Variants in LGI1 observed in about 807,000 individuals in gnomAD.
The protein encoded by LGI1 is leucine rich glioma inactivated 1, also known as leucine-rich glioma-inactivated protein 1.
LGI1 carries 11 observed loss-of-function variants against 57.7 expected under a neutral mutation model. The observed-to-expected ratio is 0.19, with a 90% CI of 0.12 to 0.32. The LOEUF (loss-of-function observed/expected upper bound fraction) is 0.32. Ranked by LOEUF, LGI1 falls within the 10% of genes least tolerant of loss-of-function variation. The pLI is 1.00. For synonymous variants in LGI1, 222 were observed against 241.9 expected (o/e 0.92, Z 0.76); for missense variants, 422 against 661.9 (o/e 0.64, Z 3.98).
At chr10:93,795,593 A>G (rs1313425425) in intron 7 of LGI1, among the ~76,000 whole-genome samples, 2 of 152,268 alleles carry the variant, frequency 1.3e-5, no homozygotes, top group South Asian at 2.1e-4. Flanking sequence ...GCAGATGACA[A>G]ATATATGCCC....
intron 7 of LGI1, among the ~76,000 whole-genome samples, chr10:93,795,947 C>T (rs1037672002): frequency 6.6e-6 from 1 of 152,250 alleles, no homozygotes; most frequent in African/African-American, 2.4e-5. Flanking sequence ...GTAGAACTTT[C>T]TGCCCCGCAC....
At chr10:93,771,285 A>G (rs2059735566) in intron 2 of LGI1, 1 of 152,232 alleles carries the variant, frequency 6.6e-6, no homozygotes, top group South Asian at 2.1e-4. Context: ...AAATATTAAA[A>G]AGAAAATGTT....
chr10:93,794,633 G>A (rs1004060887), intron 7 of LGI1: 2 of 152,092 alleles, frequency 1.3e-5, no homozygotes, highest in African/African-American at 2.4e-5. Flanking sequence ...CCAAAGTTCT[G>A]GGATTACAAG....
Position 93,797,569 on chromosome 10 carries a change from G to T in LGI1, c.1440G>T (p.Gln480His). Residue 480 changes from glutamine to histidine, a missense_variant, in exon 8 of 8, where the codon CAG becomes CAT. This residue lies in a region of LGI1 where 301 missense variants were observed against 461.7 expected (regional missense o/e 0.65). Coordinates refer to ENST00000371418, the MANE Select transcript of LGI1 (RefSeq NM_005097.4). The surrounding 1 kb of genome is among the most constrained non-coding windows in gnomAD (Gnocchi z 6.5). Reference sequence around the variant, plus strand: ...CATCGCGAGGATCCATGGTGTTCCAGCCTCTTCAAATAAATAATTACCAAT... The same window carrying T: ...CATCGCGAGGATCCATGGTGTTCCATCCTCTTCAAATAAATAATTACCAAT... ...RMPSRGSMVF[Q>H]PLQINNYQYA... 4 of 1,614,084 alleles carry T rather than the reference G, an allele frequency of 2.5e-6. No homozygotes were observed. The South Asian group carries it at 4.4e-5, about 18-fold the overall frequency.
At position 93,758,846 on chromosome 10, in the gene LGI1, T is replaced by C. The variant is rs775813063; in HGVS notation, c.287+15T>C. Reference sequence around the variant, plus strand: ...CTGCAGCTCTTGTGAGAAATATTTATATCATGACTATTTTTAATATGGCAT... The same window carrying C: ...CTGCAGCTCTTGTGAGAAATATTTACATCATGACTATTTTTAATATGGCAT... On this transcript the variant is annotated intron_variant, in intron 2 of 7. Coordinates refer to ENST00000371418, the MANE Select transcript of LGI1 (RefSeq NM_005097.4). This position sits in a 1 kb window ranked among gnomAD's most constrained non-coding sequence, Gnocchi z 4.7. 3.8e-6 allele frequency: 6 copies of C among 1,566,004 alleles called. No individual in the cohort carries two copies. The Admixed American group carries it at 5.0e-5, about 13-fold the overall frequency.
At chr10:93,777,144 G>A (rs765776472) in intron 2 of LGI1, 3 of 604,472 alleles carry the variant, frequency 5.0e-6, no homozygotes, top group African/African-American at 3.7e-5. Flanking sequence ...CCCAGGGTAT[G>A]TGGCAGTCAT....
At chr10:93,763,901 G>A (rs1330055585) in intron 2 of LGI1, 2 of 152,168 alleles carry the variant, frequency 1.3e-5, no homozygotes, top group African/African-American at 4.8e-5. Flanking sequence ...TATCCAGCCT[G>A]ACCGGACATC....
chr10:93,774,064 T>C (rs1268304825), intron 2 of LGI1, among the ~76,000 whole-genome samples: 4 of 152,130 alleles, frequency 2.6e-5, no homozygotes, highest in African/African-American at 7.2e-5. Context: ...CACGTAGTTA[T>C]AGGGACAAGA....
At chr10:93,772,846 G>A (rs1049598031) in intron 2 of LGI1, 17 of 151,960 alleles carry the variant, frequency 1.1e-4, no homozygotes, top group African/African-American at 2.9e-4. Flanking sequence ...AGGCCGAGGC[G>A]GTTGGACCAC....
At chr10:93,790,726 T>G (rs1379266563) in intron 5 of LGI1, 1 of 152,366 alleles carries the variant, frequency 6.6e-6, no homozygotes, top group South Asian at 2.1e-4. Context: ...TAATTATTTT[T>G]GACCCTTTTT....
chr10:93,778,047 ATATTTAAT>A (rs1374615492), intron 4 of LGI1, among the ~76,000 whole-genome samples: 1 of 152,210 alleles, frequency 6.6e-6, no homozygotes, highest in Admixed American at 6.5e-5. Context: ...TATCAGTGAA[ATATTTAAT>A]TACTCAATGG....
chr10:93,796,946 T>C (rs1474593658), intron 7 of LGI1, 22 bp from the exon 8 acceptor site: 1 of 1,581,168 alleles, frequency 6.3e-7, no homozygotes. Flanking sequence ...ACACAACTAA[T>C]CTCTCCTTTG....
chr10:93,790,129 C>T lies in LGI1; in HGVS notation c.462C>T (p.Leu154=). 1 of 1,606,990 alleles carries T rather than the reference C, an allele frequency of 6.2e-7. No homozygotes were observed. The highest frequency in any genetic ancestry group is 8.5e-7 in the Non-Finnish European group (1 of 1,179,046). Residue 154 remains leucine, a synonymous_variant, in exon 5 of 8, where the codon CTC becomes CTT. Transcript: ENST00000371418. ...LSLANNNLQT[L]PKDIFKGLDS... ...TTGCAAACAACAATCTCCAGACACT[C>T]CCAAAAGATATTTTCAAAGGCCTGG...
intron 2 of LGI1, among the ~76,000 whole-genome samples, chr10:93,775,179 A>G (rs1564844007): frequency 6.6e-6 from 1 of 152,194 alleles, no homozygotes; most frequent in Non-Finnish European, 1.5e-5. Flanking sequence ...ACCCAGGTCA[A>G]GAAACTCAAT....
chr10:93,765,423 A>G (rs2059663532), intron 2 of LGI1: 1 of 152,200 alleles, frequency 6.6e-6, no homozygotes, highest in Non-Finnish European at 1.5e-5. Context: ...GTCTTACCTA[A>G]AAATCCTCTG....
chr10:93,758,849 C>A lies in LGI1; in HGVS notation c.287+18C>A, dbSNP rs761232199. ...CAGCTCTTGTGAGAAATATTTATAT[C>A]ATGACTATTTTTAATATGGCATATA... On this transcript the variant is annotated intron_variant, in intron 2 of 7. Transcript: ENST00000371418. This position sits in a 1 kb window ranked among gnomAD's most constrained non-coding sequence, Gnocchi z 4.7. 3.2e-6 allele frequency: 5 copies of A among 1,557,982 alleles called. No homozygotes were observed. The South Asian group carries it at 4.5e-5, about 14-fold the overall frequency.
At chr10:93,773,725 G>A (rs2059763541) in intron 2 of LGI1, among the ~76,000 whole-genome samples, 2 of 152,166 alleles carry the variant, frequency 1.3e-5, no homozygotes, top group Admixed American at 6.5e-5. Flanking sequence ...TGGGGAGGGT[G>A]TAGACAGATC....
At chr10:93,773,222 G>C (rs1021979788) in intron 2 of LGI1, among the ~76,000 whole-genome samples, 1 of 152,046 alleles carries the variant, frequency 6.6e-6, no homozygotes, top group African/African-American at 2.4e-5. Flanking sequence ...TCTAAGAAAG[G>C]CATTATTGTT....
chr10:93,783,722 A>G (rs1243638989), intron 4 of LGI1, among the ~76,000 whole-genome samples: 1 of 152,142 alleles, frequency 6.6e-6, no homozygotes, highest in African/African-American at 2.4e-5. Context: ...ATTTAAAAGT[A>G]TCTATTAGGC....
Sources: gnomAD v4.1 joint callset for allele counts (sites outside exome capture counted in the v4.1 genomes callset) on GRCh38, gnomAD v4.1.1 for gene constraint, gnomAD v4.1.1 regional missense constraint, Gnocchi (gnomAD v3.1) non-coding constraint, MANE v1.5 for transcripts, NCBI Gene and HGNC (gene_info 2026-07-23, HGNC 2026-07-21) for gene names.